Variants in TMEM222 observed in about 807,000 individuals in gnomAD.
TMEM222 encodes the protein transmembrane protein 222.
A neutral mutation model predicts 25.1 loss-of-function variants in TMEM222; 18 were observed. That is an observed-to-expected ratio of 0.72 (90% CI 0.50 to 1.06). The LOEUF (loss-of-function observed/expected upper bound fraction) is 1.06, where lower values mean the gene tolerates loss of function less well. Ranked by LOEUF, TMEM222 falls within the 50% of genes least tolerant of loss-of-function variation. The pLI, the probability that TMEM222 is intolerant of heterozygous loss-of-function variation, is 0.00. For missense variants in TMEM222, 296 were observed against 293.7 expected (o/e 1.01, Z -0.06); for synonymous variants, 131 against 117.9 (o/e 1.11, Z -0.72).
chr1:27,331,052 C>T (rs1277176309), intron 2 of TMEM222: 3 of 1,404,908 alleles, frequency 2.1e-6, no homozygotes, highest in Non-Finnish European at 2.8e-6. Flanking sequence ...TGCCCCCACC[C>T]CTGGGGTACC....
At position 27,333,939 on chromosome 1, in the gene TMEM222, A is replaced by G. The variant is rs1398094414; in HGVS notation, c.312-19A>G. ...ACAAAGGAGCCAAGCAAGTGTCCAGAGCCCTTCTCTCCCCCCAGGTACTGG... is the reference window on the plus strand; with the variant it reads ...ACAAAGGAGCCAAGCAAGTGTCCAGGGCCCTTCTCTCCCCCCAGGTACTGG... On this transcript the variant is annotated intron_variant, in intron 3 of 5. Transcript: ENST00000374076. 2 of 1,610,470 alleles carry G rather than the reference A, an allele frequency of 1.2e-6. No individual in the cohort carries two copies. Among genetic ancestry groups the G allele is most frequent in the Admixed American group, 1.7e-5 (1 of 59,838 alleles).
chr1:27,326,926 G>A (rs117263223), intron 1 of TMEM222, among the ~76,000 whole-genome samples: 2 of 151,760 alleles, frequency 1.3e-5, no homozygotes, highest in East Asian at 3.9e-4. Context: ...CCTTTACTCT[G>A]ATTTCCATCC....
intron 5 of TMEM222, chr1:27,334,601 C>G: frequency 6.9e-7 from 1 of 1,444,084 alleles, no homozygotes. Context: ...CTCAGGGAGG[C>G]TTCTACGGAT....
intron 1 of TMEM222, among the ~76,000 whole-genome samples, chr1:27,324,915 A>T (rs573488278): frequency 1.4e-4 from 21 of 152,264 alleles, no homozygotes; most frequent in African/African-American, 2.6e-4. Context: ...TTTATGAGAA[A>T]ACCAGCCTCA....
At chr1:27,331,952 G>T in intron 2 of TMEM222, 118 bp from the exon 3 acceptor site, 4 of 1,038,478 alleles carry the variant, frequency 3.9e-6, no homozygotes, top group Non-Finnish European at 5.9e-6. Flanking sequence ...CCCCACTTCT[G>T]GCCCCCCCAC....
intron 2 of TMEM222, among the ~76,000 whole-genome samples, chr1:27,331,337 G>A (rs1401399849): frequency 1.3e-5 from 2 of 152,176 alleles, no homozygotes; most frequent in African/African-American, 4.8e-5. Flanking sequence ...CTGGACTGAA[G>A]GGGTGTGGTG....
At chr1:27,325,181 T>G in intron 1 of TMEM222, 1 of 382,826 alleles carries the variant, frequency 2.6e-6, no homozygotes, top group South Asian at 2.2e-5. Context: ...GTCTACCCCC[T>G]CAGAGATGTT....
intron 1 of TMEM222, 54 bp from the exon 2 acceptor site, chr1:27,330,666 A>G (rs573315285): frequency 7.4e-6 from 11 of 1,481,378 alleles, no homozygotes; most frequent in South Asian, 6.8e-5. Flanking sequence ...GCGTCCGTCT[A>G]ACTGGCTGAA....
chr1:27,326,484 G>C (rs1473162417), intron 1 of TMEM222, among the ~76,000 whole-genome samples: 1 of 151,922 alleles, frequency 6.6e-6, no homozygotes, highest in Non-Finnish European at 1.5e-5. Context: ...GGCCCCAGCG[G>C]CATGTCATTG....
At chr1:27,335,053 G>A (rs1181671020) in intron 5 of TMEM222, 2 of 384,222 alleles carry the variant, frequency 5.2e-6, no homozygotes, top group Non-Finnish European at 9.7e-6. Context: ...TGGTCCTCTT[G>A]CTGGAGACCC....
intron 1 of TMEM222, among the ~76,000 whole-genome samples, chr1:27,328,078 TG>T: frequency 6.6e-6 from 1 of 152,332 alleles, no homozygotes; most frequent in African/African-American, 2.4e-5. Context: ...TAATTTTGGA[TG>T]GTAGTAGATA....
intron 3 of TMEM222, chr1:27,332,568 A>G (rs1008745767): frequency 8.4e-6 from 6 of 715,288 alleles, no homozygotes; most frequent in African/African-American, 7.0e-5. Flanking sequence ...TCTGGGAGCT[A>G]TTGCTGGTTT....
Position 27,335,660 on chromosome 1 carries a change from A to T in TMEM222, c.*194A>T. The T allele has an allele frequency of 1.6e-6, 1 of 609,076 alleles. No homozygotes were observed. The highest frequency in any genetic ancestry group is 2.9e-6 in the Non-Finnish European group (1 of 341,012). The allele number at this position is 609,076 out of a possible 1,614,324, so 37.7% of individuals were successfully genotyped here. A position where few individuals can be genotyped will look rare whatever the true frequency, so the allele number is the denominator to read the frequency against. On this transcript the variant is annotated 3_prime_UTR_variant, in exon 6 of 6. Transcript: ENST00000374076. ...GGTTTGTTGTCTCCCTGCCTCTCAG[A>T]AGCACCCTGTCCCCTCCTCCCCAGG... is the stretch of plus-strand genomic sequence containing the variant.
At chr1:27,326,833 T>G (rs1189647324) in intron 1 of TMEM222, among the ~76,000 whole-genome samples, 1 of 152,132 alleles carries the variant, frequency 6.6e-6, no homozygotes, top group Non-Finnish European at 1.5e-5. Context: ...TAGAAGGTAG[T>G]CCACAAAGCG....
chr1:27,331,369 T>C (rs1039103929), intron 2 of TMEM222, among the ~76,000 whole-genome samples: 2 of 152,168 alleles, frequency 1.3e-5, no homozygotes, highest in Non-Finnish European at 2.9e-5. Context: ...TTTATATTAA[T>C]AGTTGTCATG....
chr1:27,325,538 C>T (rs2014321996), intron 1 of TMEM222: 3 of 1,411,226 alleles, frequency 2.1e-6, no homozygotes, highest in Non-Finnish European at 3.0e-6. Flanking sequence ...TAGACATCCG[C>T]AAAGACCTGT....
intron 5 of TMEM222, 101 bp downstream of exon 5, chr1:27,334,382 A>G (rs1298633281): frequency 1.7e-5 from 26 of 1,541,168 alleles, no homozygotes; most frequent in Non-Finnish European, 2.3e-5. Context: ...CAGCCAGGAC[A>G]GTTGGAACAG....
intron 1 of TMEM222, 83 bp from the exon 2 acceptor site, chr1:27,330,637 A>G: frequency 8.8e-7 from 1 of 1,133,910 alleles, no homozygotes; most frequent in Non-Finnish European, 1.3e-6. Context: ...ATGCTTCTGT[A>G]CTGTATGAAG....
intron 1 of TMEM222, chr1:27,325,685 G>A (rs1026999140): frequency 4.1e-5 from 34 of 834,050 alleles, no homozygotes; most frequent in African/African-American, 3.7e-4. Context: ...AGTACTCTGT[G>A]TGGATCAGCG....
Sources: gnomAD v4.1 joint callset for allele counts (sites outside exome capture counted in the v4.1 genomes callset) on GRCh38, gnomAD v4.1.1 for gene constraint, MANE v1.5 for transcripts, NCBI Gene and HGNC (gene_info 2026-07-23, HGNC 2026-07-21) for gene names.